Variants in ZNF397 observed in about 807,000 individuals in gnomAD.
ZNF397 encodes the protein zinc finger protein 397.
Under a neutral mutation model 50.6 loss-of-function variants are expected in ZNF397, and 38 were observed. That is an observed-to-expected ratio of 0.75 (90% CI 0.58 to 0.98). ZNF397 has a LOEUF of 0.98. Ranked by LOEUF, ZNF397 falls within the 50% of genes least tolerant of loss-of-function variation. The pLI is 0.00. For synonymous variants in ZNF397, 228 were observed against 215.2 expected, an observed-to-expected ratio of 1.06 and a Z score of -0.52; for missense variants, 624 against 624.1, an observed-to-expected ratio of 1.00 and a Z score of 0.00.
chr18:35,243,257 C>T lies in ZNF397; in HGVS notation c.520C>T (p.Leu174=). The change falls in exon 3 of 4, where the codon CTG becomes TTG. Residue 174 remains leucine (L), a synonymous_variant. Transcript: ENST00000330501. ...CCACCTCCAGCCCTTAAAGACACAG[C>T]TGAAATCCTGGAAACCATGCCTTTC... ...DIHLQPLKTQ[L]KSWKPCLSPK... 6.2e-7 allele frequency: 1 copy of T among 1,614,216 alleles called. No homozygotes were observed. The highest frequency in any genetic ancestry group is 8.5e-7 in the Non-Finnish European group (1 of 1,180,048).
chr18:35,242,517 C>T lies in ZNF397; in HGVS notation c.47C>T (p.Pro16Leu). Residue 16 changes from proline to leucine, a missense_variant, in exon 2 of 4, where the codon CCT becomes CTT. Physicochemically the swap from Pro to Leu is moderately conservative, Grantham distance 98. Coordinates refer to ENST00000330501, the MANE Select transcript of ZNF397 (RefSeq NM_001135178.3). ...ATTTCAACCCTGATACCTCAGGATC[C>T]TCCGGAACAAGAACTAATACTAGTG... Reference protein sequence around the residue: ...GVISTLIPQDPPEQELILVKV... With the variant: ...GVISTLIPQDLPEQELILVKV... The T allele has an allele frequency of 6.2e-7, 1 of 1,614,128 alleles. No homozygotes were observed. The highest frequency in any genetic ancestry group is 8.5e-7 in the Non-Finnish European group (1 of 1,180,024).
At chr18:35,244,071 A>G (rs910472855) in intron 3 of ZNF397, 3 of 154,908 alleles carry the variant, frequency 1.9e-5, no homozygotes, top group Non-Finnish European at 2.9e-5. Flanking sequence ...AGGCAAGAGT[A>G]TAGTCCTATT....
intron 3 of ZNF397, among the ~76,000 whole-genome samples, chr18:35,244,766 C>A (rs369442752): frequency 2.5e-4 from 1 of 3,998 alleles, no homozygotes; most frequent in African/African-American, 4.3e-4. Flanking sequence ...GGGGACGGGG[C>A]GGTGGGGGGC....
Position 35,246,707 on chromosome 18 carries a change from TAAAAA to T in ZNF397, c.*409_*413del. On this transcript the variant is annotated 3_prime_UTR_variant, in exon 4 of 4. Coordinates refer to ENST00000330501, the MANE Select transcript of ZNF397 (RefSeq NM_001135178.3). ...GTGTGAGGCACTTCGTCTCAGGAACTAAAAAAAAAAAAAAAACTGACCCAATAAAG... is the reference window on the plus strand; with the variant it reads ...GTGTGAGGCACTTCGTCTCAGGAACTAAAAAAAAAAACTGACCCAATAAAG... 1 of 932,536 alleles carries T rather than the reference TAAAAA, an allele frequency of 1.1e-6. No homozygotes were observed. Among genetic ancestry groups the T allele is most frequent in the Non-Finnish European group, 1.2e-6 (1 of 801,250 alleles). 57.8% of individuals were successfully genotyped at this position (932,536 alleles called of 1,614,324 possible).
downstream of ZNF397, chr18:35,253,955 C>T (rs768216349): frequency 1.2e-6 from 2 of 1,614,062 alleles, no homozygotes; most frequent in African/African-American, 2.7e-5. Context: ...TGCATAAGGT[C>T]TCTCTCCAGT....
In ZNF397 at chr18:35,246,645, A is replaced by T; in HGVS notation, c.*335A>T. On this transcript the variant is annotated 3_prime_UTR_variant, in exon 4 of 4. Transcript: ENST00000330501. ...AACCCAGGCTCTGTCACTGCATCTG[A>T]TTGTTAGTGTGCCAGGTTATGGGGC... 3 of 1,040,852 alleles carry T rather than the reference A, an allele frequency of 2.9e-6. No individual in the cohort carries two copies. Among genetic ancestry groups the T allele is most frequent in the African/African-American group, 1.7e-5 (1 of 57,984 alleles). 64.5% of individuals were successfully genotyped at this position (1,040,852 alleles called of 1,614,324 possible).
chr18:35,247,262 T>C lies in ZNF397; in HGVS notation c.*952T>C, dbSNP rs2043497187. Reference sequence around the variant, plus strand: ...CTTGGGCCACAGGGTAGTCAAGAGCTTTGTCTTGGTTTATGTGACCCCAGG... The same window carrying C: ...CTTGGGCCACAGGGTAGTCAAGAGCCTTGTCTTGGTTTATGTGACCCCAGG... On this transcript the variant is annotated 3_prime_UTR_variant, in exon 4 of 4. Coordinates refer to ENST00000330501, the MANE Select transcript of ZNF397 (RefSeq NM_001135178.3). 1.3e-6 allele frequency: 1 copy of C among 794,352 alleles called. No individual in the cohort carries two copies. The highest frequency in any genetic ancestry group is 1.5e-6 in the Non-Finnish European group (1 of 655,368). 49.2% of individuals were successfully genotyped at this position (794,352 alleles called of 1,614,324 possible). A position where few individuals can be genotyped will look rare whatever the true frequency, so the allele number is the denominator to read the frequency against.
At chr18:35,241,766 A>C (rs964905701) in intron 1 of ZNF397, 3 of 152,200 alleles carry the variant, frequency 2.0e-5, no homozygotes, top group Non-Finnish European at 4.4e-5. Flanking sequence ...CAAAAATCTT[A>C]ATGCTCAGTA....
chr18:35,246,028 T>G lies in ZNF397; in HGVS notation c.1323T>G (p.Ile441Met), dbSNP rs747560793. Residue 441 changes from isoleucine to methionine, a missense_variant, in exon 4 of 4, where the codon ATT becomes ATG. Ile to Met is a conservative substitution (Grantham distance 10). Coordinates refer to ENST00000330501, the MANE Select transcript of ZNF397 (RefSeq NM_001135178.3). ...GKAFRQSSEL[I>M]THQRIHSGEK... ...CTTTCAGGCAGAGCTCAGAGCTGAT[T>G]ACTCATCAGAGAATACATAGTGGAG... is the stretch of plus-strand genomic sequence containing the variant. 2 of 1,568,714 alleles carry G rather than the reference T, an allele frequency of 1.3e-6. No individual in the cohort carries two copies. Among genetic ancestry groups the G allele is most frequent in the Non-Finnish European group, 1.7e-6 (2 of 1,156,796 alleles).
chr18:35,253,924 G>C, downstream of ZNF397: 2 of 1,614,066 alleles, frequency 1.2e-6, no homozygotes, highest in South Asian at 2.2e-5. Flanking sequence ...TCAAACTGAA[G>C]GCTTTGCCAC....
chr18:35,243,355 G>C lies in ZNF397; in HGVS notation c.556+62G>C, dbSNP rs17841889. On this transcript the variant is annotated intron_variant, in intron 3 of 3. Coordinates refer to ENST00000330501, the MANE Select transcript of ZNF397 (RefSeq NM_001135178.3). ...TTAGGCCTCTGTTTTTGAGAATGCA[G>C]AATTAATTGCACTTGACAAACTTGC... 5.1e-3 allele frequency: 8,211 copies of C among 1,611,628 alleles called. 363 individuals carry two copies. The African/African-American group carries it at 0.097, about 19-fold the overall frequency.
chr18:35,251,933 C>T (rs1176415575), downstream of ZNF397: 2 of 152,066 alleles, frequency 1.3e-5, no homozygotes, highest in East Asian at 3.9e-4. Context: ...AGGAATCAAA[C>T]TTTCTTTTAG....
downstream of ZNF397, chr18:35,251,799 T>C (rs184745573): frequency 9.5e-5 from 14 of 147,418 alleles, no homozygotes; most frequent in African/African-American, 3.5e-4. Context: ...TTAAACCTCT[T>C]TTTTTTTTTT....
chr18:35,249,089 A>C lies in ZNF397; in HGVS notation c.*2779A>C, dbSNP rs1156439683. 2.0e-5 allele frequency: 3 copies of C among 152,166 alleles called. No homozygotes were observed. Among genetic ancestry groups the C allele is most frequent in the Non-Finnish European group, 4.4e-5 (3 of 68,026 alleles). The allele number at this position is 152,166 out of a possible 1,614,324, so 9.4% of individuals were successfully genotyped here. A position where few individuals can be genotyped will look rare whatever the true frequency, so the allele number is the denominator to read the frequency against. On this transcript the variant is annotated 3_prime_UTR_variant, in exon 4 of 4. Coordinates refer to ENST00000330501, the MANE Select transcript of ZNF397 (RefSeq NM_001135178.3). ...TACTTAAGTAGGGAAATCACAAAAT[A>C]AGTGCCAATGAACAATAAATGTTCA...
rs998766648 is a variant in ZNF397, at chr18:35,241,073, T to C, written c.-117T>C. On this transcript the variant is annotated 5_prime_UTR_variant, in exon 1 of 4. Coordinates refer to ENST00000330501, the MANE Select transcript of ZNF397 (RefSeq NM_001135178.3). Reference sequence around the variant, plus strand: ...GGTCTTTGTGGCTTGCAGCTCGGGGTGGGTGGCTCATTTCCTGGCCGCTCC... The same window carrying C: ...GGTCTTTGTGGCTTGCAGCTCGGGGCGGGTGGCTCATTTCCTGGCCGCTCC... 1.3e-5 allele frequency: 2 copies of C among 151,894 alleles called. No individual in the cohort carries two copies. Among genetic ancestry groups the C allele is most frequent in the Non-Finnish European group, 2.9e-5 (2 of 68,000 alleles). 9.4% of individuals were successfully genotyped at this position (151,894 alleles called of 1,614,324 possible). A position where few individuals can be genotyped will look rare whatever the true frequency, so the allele number is the denominator to read the frequency against.
rs1025635910 is a variant in ZNF397 at position 35,249,538 on chromosome 18, A to C, written c.*3228A>C. Reference sequence around the variant, plus strand: ...TGTGGTGGCATGTGCCTGTAGTCCCAGCTACTTGGGAGGCTGAGACAGGAG... The same window carrying C: ...TGTGGTGGCATGTGCCTGTAGTCCCCGCTACTTGGGAGGCTGAGACAGGAG... On this transcript the variant is annotated 3_prime_UTR_variant, in exon 4 of 4. Transcript: ENST00000330501. The C allele has an allele frequency of 1.3e-5, 2 of 151,830 alleles. No individual in the cohort carries two copies. The allele number at this position is 151,830 out of a possible 1,614,324, so 9.4% of individuals were successfully genotyped here.
At chr18:35,256,559 A>C (rs565472905) in intron 5 of ZNF397, among the ~76,000 whole-genome samples, 9 of 152,172 alleles carry the variant, frequency 5.9e-5, no homozygotes, top group Non-Finnish European at 1.3e-4. Flanking sequence ...AAAGAAAAAA[A>C]AAAAGATTAC....
exon 6 of ZNF397, chr18:35,258,041 T>C (rs1333880531): frequency 6.4e-6 from 5 of 778,008 alleles, no homozygotes; most frequent in South Asian, 2.7e-5. Context: ...AAGAAACTTA[T>C]AACTCAAGGT....
rs1179369599 is a variant in ZNF397, at chr18:35,248,688, CA to C, written c.*2379del. 6.6e-6 allele frequency: 1 copy of C among 151,896 alleles called. No individual in the cohort carries two copies. Among genetic ancestry groups the C allele is most frequent in the Non-Finnish European group, 1.5e-5 (1 of 67,982 alleles). The allele number at this position is 151,896 out of a possible 1,614,324, so 9.4% of individuals were successfully genotyped here. On this transcript the variant is annotated 3_prime_UTR_variant, in exon 4 of 4. Transcript: ENST00000330501. The stretch of plus-strand genomic sequence containing the variant: ...AGACCCCATCTCTACAAAAAATAAA[CA>C]GAATTTGCCAGACGTGGTAGTGCAT...
Sources: allele counts gnomAD v4.1 joint callset (sites outside exome capture counted in the v4.1 genomes callset), GRCh38; gene constraint gnomAD v4.1.1; transcripts MANE v1.5; gene names NCBI Gene and HGNC (gene_info 2026-07-23, HGNC 2026-07-21).